The following UBR3 variants were observed in gnomAD, a reference collection of about 807,000 sequenced individuals.
UBR3 encodes ubiquitin protein ligase E3 component n-recognin 3.
A neutral mutation model predicts 243.2 loss-of-function variants in UBR3; 85 were observed. That is an observed-to-expected ratio of 0.35 (90% CI 0.29 to 0.42). UBR3 has a LOEUF of 0.42. Ranked by LOEUF, UBR3 falls within the 10% of genes least tolerant of loss-of-function variation. UBR3 has a pLI of 1.00. For missense variants in UBR3, 1,686 were observed against 2,300.8 expected (o/e 0.73, Z 5.47); for synonymous variants, 748 against 799.8 (o/e 0.94, Z 1.09).
At chr2:170,056,511 T>G (rs2091339888) in intron 33 of UBR3, among the ~76,000 whole-genome samples, 1 of 152,162 alleles carries the variant, frequency 6.6e-6, no homozygotes, top group Non-Finnish European at 1.5e-5. Context: ...AACTGAGTGG[T>G]TCAGCTTAGA....
At chr2:170,005,360 A>G (rs1369863589) in intron 27 of UBR3, among the ~76,000 whole-genome samples, 2 of 152,226 alleles carry the variant, frequency 1.3e-5, no homozygotes, top group African/African-American at 4.8e-5. Flanking sequence ...GCAAGAAGGC[A>G]TTTTATTTTT....
In UBR3 at chr2:170,036,253, TAGTG is replaced by T. The variant is rs2090829856; in HGVS notation, c.4557-4626_4557-4623del. Reference sequence around the variant, plus strand: ...GACATCTTTGCCTAGTTCCTGATCTTAGTGAGAACAATTATGTATTTTAAAATAT... The same window carrying T: ...GACATCTTTGCCTAGTTCCTGATCTTAGAACAATTATGTATTTTAAAATAT... On this transcript the variant is annotated intron_variant, in intron 31 of 38. Coordinates refer to ENST00000272793, the MANE Select transcript of UBR3 (RefSeq NM_172070.4). Among the ~76,000 whole-genome samples the T allele has an allele frequency of 2.0e-5, 3 of 152,092 alleles. No homozygotes were observed. In the South Asian group the frequency reaches 6.2e-4, roughly 32 times the overall value.
At chr2:169,867,067 T>C (rs948613116) in intron 1 of UBR3, among the ~76,000 whole-genome samples, 4 of 152,228 alleles carry the variant, frequency 2.6e-5, no homozygotes, top group Non-Finnish European at 5.9e-5. Flanking sequence ...ATGGCATAAC[T>C]TATTTTTTGT....
intron 28 of UBR3, among the ~76,000 whole-genome samples, chr2:170,008,102 C>A (rs2089977940): frequency 6.6e-6 from 1 of 152,250 alleles, no homozygotes; most frequent in South Asian, 2.1e-4. Flanking sequence ...AGTCAGACTA[C>A]TGTAGGGGGG....
chr2:170,077,277 C>A, intron 36 of UBR3: 1 of 745,798 alleles, frequency 1.3e-6, no homozygotes, highest in Non-Finnish European at 2.5e-6. Flanking sequence ...TTGTTGGTAA[C>A]CACAGCCTAT....
intron 1 of UBR3, among the ~76,000 whole-genome samples, chr2:169,871,681 G>A (rs944395776): frequency 7.0e-6 from 1 of 143,612 alleles, no homozygotes; most frequent in African/African-American, 2.5e-5. Flanking sequence ...CTGGGAGGCA[G>A]AGGTTGCAAT....
At chr2:169,962,933 G>A (rs997980075) in intron 24 of UBR3, among the ~76,000 whole-genome samples, 3 of 152,090 alleles carry the variant, frequency 2.0e-5, no homozygotes, top group African/African-American at 7.2e-5. Flanking sequence ...CCTAGTAATT[G>A]TCTCTAGTCT....
At position 169,836,027 on chromosome 2, in the gene UBR3, CTCTCTCTCTCTCTCTCTA is replaced by C. The variant is rs1346135535; in HGVS notation, c.545+7977_545+7994del. 3.4e-3 allele frequency among the ~76,000 whole-genome samples: 95 copies of C among 27,978 alleles called. 6 individuals carry two copies. The highest frequency in any genetic ancestry group is 5.2e-3 in the South Asian group (4 of 774). 18.4% of individuals were successfully genotyped at this position (27,978 alleles called of 152,430 possible). On this transcript the variant is annotated intron_variant, in intron 1 of 38. Transcript: ENST00000272793. ...TCTCTCTCTCTCTCTCTCTCTCTCT[CTCTCTCTCTCTCTCTCTA>C]TATATATATATATATATATATATTT...
At chr2:169,913,972 T>C in intron 10 of UBR3, 88 bp from the exon 11 acceptor site, 1 of 528,632 alleles carries the variant, frequency 1.9e-6, no homozygotes, top group Non-Finnish European at 2.9e-6. Context: ...ATTTTATATA[T>C]ACACAATGCA....
At chr2:169,919,007 A>G (rs999011496) in intron 11 of UBR3, among the ~76,000 whole-genome samples, 1 of 152,210 alleles carries the variant, frequency 6.6e-6, no homozygotes, top group African/African-American at 2.4e-5. Context: ...AGAACCCAAG[A>G]AAAGCTTCTT....
intron 38 of UBR3, 111 bp downstream of exon 38, chr2:170,080,795 A>T (rs1469100197): frequency 2.5e-6 from 3 of 1,208,674 alleles, no homozygotes; most frequent in East Asian, 5.0e-5. Context: ...AGAAATTCTG[A>T]CAGTCATTAA....
chr2:169,858,558 T>C (rs1452761510), intron 1 of UBR3, among the ~76,000 whole-genome samples: 2 of 152,144 alleles, frequency 1.3e-5, no homozygotes, highest in Admixed American at 1.3e-4. Flanking sequence ...CGATGTTCTT[T>C]GTATATTACT....
intron 24 of UBR3, among the ~76,000 whole-genome samples, chr2:169,965,934 CAA>C (rs1351029609): frequency 6.6e-5 from 10 of 151,960 alleles, no homozygotes; most frequent in African/African-American, 2.2e-4. Flanking sequence ...GCATAACATA[CAA>C]AATATTTCAA....
At chr2:169,954,602 G>A (rs964348861) in intron 23 of UBR3, among the ~76,000 whole-genome samples, 13 of 145,122 alleles carry the variant, frequency 9.0e-5, no homozygotes, top group African/African-American at 3.3e-4. Context: ...TTGAGACAGA[G>A]TCTCTTTCTG....
At chr2:169,941,224 T>C (rs79379311) in intron 19 of UBR3, among the ~76,000 whole-genome samples, 2 of 152,304 alleles carry the variant, frequency 1.3e-5, no homozygotes, top group Non-Finnish European at 2.9e-5. Context: ...TATAGTACAA[T>C]GGTCCCCCTC....
chr2:169,834,338 G>T (rs2082021958), intron 1 of UBR3, among the ~76,000 whole-genome samples: 1 of 152,076 alleles, frequency 6.6e-6, no homozygotes. Flanking sequence ...CATTTAAATT[G>T]TTTCCAGACT....
intron 26 of UBR3, among the ~76,000 whole-genome samples, chr2:169,997,412 C>T (rs563487545): frequency 3.9e-5 from 6 of 152,142 alleles, no homozygotes; most frequent in African/African-American, 1.2e-4. Flanking sequence ...CAGTGGCACC[C>T]GAAAACTCAG....
intron 31 of UBR3, among the ~76,000 whole-genome samples, chr2:170,032,424 A>G (rs1018810815): frequency 2.0e-5 from 3 of 151,872 alleles, no homozygotes; most frequent in African/African-American, 7.2e-5. Context: ...GGCCTCTACC[A>G]TATGTAGACC....
chr2:170,073,422 TA>T lies in UBR3; in HGVS notation c.5020-2del. 1 of 1,613,412 alleles carries T rather than the reference TA, an allele frequency of 6.2e-7. No individual in the cohort carries two copies. The highest frequency in any genetic ancestry group is 1.1e-5 in the South Asian group (1 of 90,970). On this transcript the variant is annotated splice_region_variant and splice_polypyrimidine_tract_variant and intron_variant, in intron 35 of 38. Coordinates refer to ENST00000272793, the MANE Select transcript of UBR3 (RefSeq NM_172070.4). The stretch of plus-strand genomic sequence containing the variant: ...TTTTCAGAATTTCCTATTTCATGTC[TA>T]AAAGGAAGAAGAAGAATTTTCAGTT...
Sources: gnomAD v4.1 joint callset for allele counts (sites outside exome capture counted in the v4.1 genomes callset) on GRCh38, gnomAD v4.1.1 for gene constraint, MANE v1.5 for transcripts, NCBI Gene and HGNC (gene_info 2026-07-23, HGNC 2026-07-21) for gene names.